The following NCAM1 variants were observed in gnomAD, a reference collection of about 807,000 sequenced individuals.
NCAM1 encodes neural cell adhesion molecule 1.
NCAM1 carries 14 observed loss-of-function variants against 109.8 expected under a neutral mutation model. The ratio of observed to expected loss-of-function variants is 0.13; its 90% CI spans 0.08 to 0.20. NCAM1 has a LOEUF of 0.20. Ranked by LOEUF, NCAM1 falls within the 10% of genes least tolerant of loss-of-function variation. The probability of loss-of-function intolerance (pLI) is 1.00; values close to 1 mark genes in which losing one functional copy is unlikely to be tolerated. For missense variants in NCAM1, 774 were observed against 1,109.9 expected (o/e 0.70, Z 4.30); for synonymous variants, 418 against 442.9 (o/e 0.94, Z 0.70).
chr11:112,961,737 C>G, intron 1 of NCAM1, 73 bp downstream of exon 1: 1 of 989,132 alleles, frequency 1.0e-6, no homozygotes, highest in South Asian at 1.5e-5. Flanking sequence ...AGGAGGAACG[C>G]TATTATTTTG....
In NCAM1 at chr11:113,261,541, G is replaced by A. The variant is rs553151313; in HGVS notation, c.2131+1218G>A. ...GTTTCTCCACAGTCGCTGGTCAGAT[G>A]GTCGGTGCAGAAGGCAAGGCACGTG... On this transcript the variant is annotated intron_variant, in intron 17 of 19. Coordinates refer to ENST00000316851, the MANE Select transcript of NCAM1 (RefSeq NM_181351.5). Among the ~76,000 whole-genome samples, 29 of 152,288 alleles carry A rather than the reference G, an allele frequency of 1.9e-4. 1 individual carries two copies. In the East Asian group the frequency reaches 5.6e-3, roughly 29 times the overall value.
intron 1 of NCAM1, among the ~76,000 whole-genome samples, chr11:113,099,853 TA>T (rs1939788479): frequency 6.6e-6 from 1 of 152,108 alleles, no homozygotes; most frequent in Non-Finnish European, 1.5e-5. Flanking sequence ...CATGCCCAGC[TA>T]ATTTTTGTAT....
chr11:113,163,865 T>G (rs988270667), intron 1 of NCAM1, among the ~76,000 whole-genome samples: 12 of 152,104 alleles, frequency 7.9e-5, no homozygotes, highest in Admixed American at 3.9e-4. Context: ...CCCTAGAGTA[T>G]GCAGTGAAGG....
intron 1 of NCAM1, among the ~76,000 whole-genome samples, chr11:113,184,883 T>C (rs1943451173): frequency 6.6e-6 from 1 of 152,042 alleles, no homozygotes; most frequent in Non-Finnish European, 1.5e-5. Flanking sequence ...CTGTCTTTTA[T>C]ATTATATCCA....
intron 14 of NCAM1, chr11:113,235,426 A>C: frequency 1.4e-6 from 1 of 732,410 alleles, no homozygotes; most frequent in South Asian, 1.4e-5. Flanking sequence ...GTGAAGGGGA[A>C]GGCACCAACA....
At chr11:113,242,353 C>T (rs1945354442) in intron 14 of NCAM1, among the ~76,000 whole-genome samples, 1 of 152,180 alleles carries the variant, frequency 6.6e-6, no homozygotes, top group South Asian at 2.1e-4. Flanking sequence ...AGCATGGTGG[C>T]TCAGGCCTGT....
chr11:113,214,104 G>A (rs191816155), intron 7 of NCAM1, among the ~76,000 whole-genome samples: 13 of 152,316 alleles, frequency 8.5e-5, no homozygotes, highest in East Asian at 5.8e-4. Context: ...TCCAGGGAGC[G>A]ATCTTCCGCC....
rs189332106 is a variant in NCAM1 at position 112,979,807 on chromosome 11, A to C, written c.52+18143A>C. On this transcript the variant is annotated intron_variant, in intron 1 of 19. Coordinates refer to ENST00000316851, the MANE Select transcript of NCAM1 (RefSeq NM_181351.5). ...TTAACGGACATAATTTTTAGAATGT[A>C]TACTTCATTTAAATTTGAACCTTTT... Among the ~76,000 whole-genome samples, 11 of 151,998 alleles carry C rather than the reference A, an allele frequency of 7.2e-5. No individual in the cohort carries two copies. The East Asian group carries it at 1.9e-3, about 27-fold the overall frequency.
intron 1 of NCAM1, among the ~76,000 whole-genome samples, chr11:113,185,885 A>AT (rs1397510681): frequency 1.3e-5 from 2 of 152,136 alleles, no homozygotes; most frequent in Non-Finnish European, 2.9e-5. Flanking sequence ...CTGATTCAAG[A>AT]TTTTCAGGCT....
chr11:113,204,917 T>A lies in NCAM1; in HGVS notation c.346+413T>A, dbSNP rs574019324. Among the ~76,000 whole-genome samples the A allele has an allele frequency of 7.9e-5, 12 of 152,312 alleles. No homozygotes were observed. The South Asian group carries it at 1.0e-3, about 13-fold the overall frequency. On this transcript the variant is annotated intron_variant, in intron 3 of 19. Transcript: ENST00000316851. Reference sequence around the variant, plus strand: ...GCCACTCAGAGCAGGCAGTTCCTATTGCCTCTGAAACCCCATCTGTAGGTG... The same window carrying A: ...GCCACTCAGAGCAGGCAGTTCCTATAGCCTCTGAAACCCCATCTGTAGGTG...
intron 1 of NCAM1, among the ~76,000 whole-genome samples, chr11:113,032,064 C>T (rs1029831897): frequency 6.6e-6 from 1 of 152,106 alleles, no homozygotes; most frequent in African/African-American, 2.4e-5. Flanking sequence ...GCCTTAGCCT[C>T]GTGAGTAGCT....
intron 8 of NCAM1, among the ~76,000 whole-genome samples, chr11:113,216,512 A>T (rs1452199416): frequency 6.6e-6 from 1 of 152,200 alleles, no homozygotes; most frequent in Admixed American, 6.5e-5. Flanking sequence ...ATACTTGCTA[A>T]ATATGGAGAC....
At chr11:113,229,978 A>G (rs1177985018) in intron 9 of NCAM1, among the ~76,000 whole-genome samples, 1 of 152,152 alleles carries the variant, frequency 6.6e-6, no homozygotes. Context: ...GATATACCTA[A>G]TGTAAATGAC....
chr11:113,242,023 G>A (rs557694424), intron 14 of NCAM1, among the ~76,000 whole-genome samples: 94 of 152,266 alleles, frequency 6.2e-4, no homozygotes, highest in African/African-American at 2.1e-3. Flanking sequence ...AGACAGACCT[G>A]GGTTCAAATC....
chr11:113,268,672 A>G (rs560297865), intron 17 of NCAM1, among the ~76,000 whole-genome samples: 1 of 152,320 alleles, frequency 6.6e-6, no homozygotes, highest in Non-Finnish European at 1.5e-5. Flanking sequence ...CAGAGCCATC[A>G]ATACCACCAC....
chr11:113,260,408 A>T (rs1945957139), intron 17 of NCAM1, 85 bp downstream of exon 17: 1 of 1,420,490 alleles, frequency 7.0e-7, no homozygotes, highest in African/African-American at 1.4e-5. Context: ...AACAACCCTG[A>T]CAACTTGCTT....
intron 8 of NCAM1, among the ~76,000 whole-genome samples, chr11:113,220,379 T>A (rs1432896742): frequency 6.6e-6 from 1 of 152,120 alleles, no homozygotes; most frequent in African/African-American, 2.4e-5. Context: ...CCATTTGGTA[T>A]CCTCAAAGCT....
rs532833380 is a variant in NCAM1 at position 113,181,256 on chromosome 11, C to T, written c.53-21123C>T. ...TCGGGCCCTGCCAGCCCTGTGGTTC[C>T]AAGCTGCCCACTCTCAAGCTGCCCA... is the stretch of plus-strand genomic sequence containing the variant. On this transcript the variant is annotated intron_variant, in intron 1 of 19. Transcript: ENST00000316851. Among the ~76,000 whole-genome samples, 18 of 152,264 alleles carry T rather than the reference C, an allele frequency of 1.2e-4. No homozygotes were observed. The East Asian group carries it at 3.3e-3, about 28-fold the overall frequency.
intron 1 of NCAM1, among the ~76,000 whole-genome samples, chr11:113,101,459 A>G (rs901522510): frequency 6.6e-6 from 1 of 152,070 alleles, no homozygotes; most frequent in Admixed American, 6.6e-5. Context: ...TTGCTCTTCT[A>G]TGATCTGTTC....
Sources: allele counts gnomAD v4.1 joint callset (sites outside exome capture counted in the v4.1 genomes callset), GRCh38; gene constraint gnomAD v4.1.1; transcripts MANE v1.5; gene names NCBI Gene and HGNC (gene_info 2026-07-23, HGNC 2026-07-21).